Variants in SLC22A25 observed in about 807,000 individuals in gnomAD.
The protein encoded by SLC22A25 is solute carrier family 22 member 25.
In SLC22A25, 44 loss-of-function variants were observed where a neutral mutation model predicts 45.9. The ratio of observed to expected loss-of-function variants is 0.96; its 90% confidence interval spans 0.75 to 1.23. SLC22A25 has a LOEUF of 1.23. SLC22A25 is among the 50% of genes most tolerant of loss of function. The pLI is 0.00. For synonymous variants in SLC22A25, 283 were observed against 238.6 expected (o/e 1.19, Z -1.72); for missense variants, 800 against 666.4 (o/e 1.20, Z -2.21).
chr11:63,225,219 G>A (rs1162512979), intron 5 of SLC22A25, among the ~76,000 whole-genome samples: 3 of 152,062 alleles, frequency 2.0e-5, no homozygotes, highest in Non-Finnish European at 4.4e-5. Context: ...TTTACTACTA[G>A]CAGGGAGTTT....
At chr11:63,191,303 G>T (rs1310324773) in intron 7 of SLC22A25, among the ~76,000 whole-genome samples, 2 of 152,210 alleles carry the variant, frequency 1.3e-5, no homozygotes, top group Non-Finnish European at 2.9e-5. Context: ...AGACTGCTGT[G>T]CTAGCAATGA....
chr11:63,186,967 G>A (rs1028824358), intron 7 of SLC22A25, among the ~76,000 whole-genome samples: 44 of 152,172 alleles, frequency 2.9e-4, no homozygotes, highest in Admixed American at 1.3e-4. Flanking sequence ...AGAGTTTGAA[G>A]TCAGGTAGCA....
Position 63,243,526 on chromosome 11 carries a change from G to A in SLC22A25, c.-1088C>T, listed in dbSNP as rs1019214955. ...TGTTCCTGGCCTCCAGGCTCAAAGA[G>A]TCCAGCCCACTGACTGCCAAAAAGC... On this transcript the variant is annotated 5_prime_UTR_variant, in exon 1 of 12. Transcript: ENST00000306494. 4 of 762,800 alleles carry A rather than the reference G, an allele frequency of 5.2e-6. No individual in the cohort carries two copies. The highest frequency in any genetic ancestry group is 4.1e-5 in the South Asian group (3 of 73,740). The allele number at this position is 762,800 out of a possible 1,614,324, so 47.3% of individuals were successfully genotyped here.
intron 7 of SLC22A25, among the ~76,000 whole-genome samples, chr11:63,193,024 A>AAT (rs1353232412): frequency 6.6e-6 from 1 of 152,202 alleles, no homozygotes; most frequent in Non-Finnish European, 1.5e-5. Context: ...AAACCAATAG[A>AAT]ATATACATTC....
intron 3 of SLC22A25, among the ~76,000 whole-genome samples, chr11:63,233,881 A>C (rs1352477878): frequency 6.6e-6 from 1 of 152,040 alleles, no homozygotes; most frequent in Non-Finnish European, 1.5e-5. Flanking sequence ...TTCTGCCTTC[A>C]TTTCGTTATG....
chr11:63,204,426 A>G (rs2089338401), intron 7 of SLC22A25, among the ~76,000 whole-genome samples: 1 of 152,248 alleles, frequency 6.6e-6, no homozygotes. Context: ...CTCACATGCA[A>G]GAACACACAT....
intron 7 of SLC22A25, among the ~76,000 whole-genome samples, chr11:63,184,189 T>C (rs1364533420): frequency 6.6e-6 from 1 of 152,130 alleles, no homozygotes; most frequent in Non-Finnish European, 1.5e-5. Context: ...GTAAAGACCC[T>C]GAAATAATTG....
chr11:63,241,774 C>A (rs954159162), intron 1 of SLC22A25, among the ~76,000 whole-genome samples: 3 of 152,112 alleles, frequency 2.0e-5, no homozygotes, highest in Non-Finnish European at 4.4e-5. Context: ...ACAACAGACA[C>A]CCAAGCACCT....
intron 9 of SLC22A25, among the ~76,000 whole-genome samples, chr11:63,169,060 A>G (rs542107806): frequency 9.2e-5 from 14 of 152,338 alleles, no homozygotes; most frequent in African/African-American, 3.4e-4. Flanking sequence ...TTTCATATAC[A>G]GCCAAACTAA....
At position 63,208,508 on chromosome 11, in the gene SLC22A25, G is replaced by A. The variant is rs116694612; in HGVS notation, c.830+8806C>T. Among the ~76,000 whole-genome samples the A allele has an allele frequency of 5.1e-3, 775 of 152,244 alleles. 7 individuals carry two copies. The highest frequency in any genetic ancestry group is 0.018 in the African/African-American group (728 of 41,558). On this transcript the variant is annotated intron_variant, in intron 7 of 11. Coordinates refer to ENST00000306494, the MANE Select transcript of SLC22A25 (RefSeq NM_199352.6). ...TGTGTGCGTGCATGTAAACCTACCC[G>A]GGACACGAGAGAGGCTCATTTCATC...
chr11:63,209,148 A>C (rs1417726694), intron 7 of SLC22A25, among the ~76,000 whole-genome samples: 1 of 152,116 alleles, frequency 6.6e-6, no homozygotes, highest in Admixed American at 6.5e-5. Context: ...TGGTCACTGG[A>C]GTTGGAGGAC....
At chr11:63,191,348 G>A (rs113159993) in intron 7 of SLC22A25, among the ~76,000 whole-genome samples, 1 of 152,346 alleles carries the variant, frequency 6.6e-6, no homozygotes, top group South Asian at 2.1e-4. Flanking sequence ...TTCTGAGTCA[G>A]GCATGGGATA....
rs76609434 is a variant in SLC22A25 at position 63,210,208 on chromosome 11, C to T, written c.830+7106G>A. Among the ~76,000 whole-genome samples the T allele has an allele frequency of 8.8e-3, 1,344 of 152,180 alleles. 9 individuals are homozygous for T. The highest frequency in any genetic ancestry group is 0.019 in the African/African-American group (769 of 41,516). ...GACATAAGATGAAACCTTCAGAAGCCGGAAGGCTTTGCAGGGAAACACATT... is the reference window on the plus strand; with the variant it reads ...GACATAAGATGAAACCTTCAGAAGCTGGAAGGCTTTGCAGGGAAACACATT... On this transcript the variant is annotated intron_variant, in intron 7 of 11. Coordinates refer to ENST00000306494, the MANE Select transcript of SLC22A25 (RefSeq NM_199352.6).
intron 5 of SLC22A25, among the ~76,000 whole-genome samples, chr11:63,225,146 G>T (rs963903367): frequency 1.2e-4 from 19 of 152,026 alleles, no homozygotes; most frequent in Non-Finnish European, 2.4e-4. Flanking sequence ...AAATAAAAAA[G>T]TTGTTTTAGT....
At position 63,243,345 on chromosome 11, in the gene SLC22A25, C is replaced by A. The variant is rs529754926; in HGVS notation, c.-996+89G>T. 1,186 of 562,682 alleles carry A rather than the reference C, an allele frequency of 2.1e-3. 6 individuals carry two copies. Among genetic ancestry groups the A allele is most frequent in the Non-Finnish European group, 2.5e-3 (749 of 304,618 alleles). The allele number at this position is 562,682 out of a possible 1,614,324, so 34.9% of individuals were successfully genotyped here. On this transcript the variant is annotated intron_variant, in intron 1 of 11. Coordinates refer to ENST00000306494, the MANE Select transcript of SLC22A25 (RefSeq NM_199352.6). Reference sequence around the variant, plus strand: ...TGAACCATTTGGGATGGAAAAGCACCTTTACTCTCAGCCACCTGTTAACTA... The same window carrying A: ...TGAACCATTTGGGATGGAAAAGCACATTTACTCTCAGCCACCTGTTAACTA...
intron 5 of SLC22A25, among the ~76,000 whole-genome samples, chr11:63,228,148 C>T (rs2089998651): frequency 6.6e-6 from 1 of 151,856 alleles, no homozygotes; most frequent in South Asian, 2.1e-4. Context: ...GTTTGGTATT[C>T]CTGTGGGGAG....
chr11:63,204,295 T>C (rs1255180269), intron 7 of SLC22A25, among the ~76,000 whole-genome samples: 1 of 152,168 alleles, frequency 6.6e-6, no homozygotes, highest in Non-Finnish European at 1.5e-5. Flanking sequence ...CACTATGAAA[T>C]TCACATATAA....
In SLC22A25 at chr11:63,204,207, C is replaced by T. The variant is rs569034984; in HGVS notation, c.830+13107G>A. On this transcript the variant is annotated intron_variant, in intron 7 of 11. Coordinates refer to ENST00000306494, the MANE Select transcript of SLC22A25 (RefSeq NM_199352.6). The stretch of plus-strand genomic sequence containing the variant: ...TGGTAGCAGCCACTGCAGAAACATA[C>T]CAAATTGTAAAGACCATTGACAATA... Among the ~76,000 whole-genome samples, 4 of 152,254 alleles carry T rather than the reference C, an allele frequency of 2.6e-5. No homozygotes were observed. The East Asian group carries it at 5.8e-4, about 22-fold the overall frequency.
chr11:63,161,656 C>T lies in SLC22A25; in HGVS notation c.*2168G>A, dbSNP rs2087534597. ...GCTGCCATGTAAGACGTGCCTTTCG[C>T]CCTCCACCAGGATTGTGAGGCTTCA... On this transcript the variant is annotated 3_prime_UTR_variant, in exon 12 of 12. Coordinates refer to ENST00000306494, the MANE Select transcript of SLC22A25 (RefSeq NM_199352.6). Among the ~76,000 whole-genome samples, 1 of 152,158 alleles carries T rather than the reference C, an allele frequency of 6.6e-6. No homozygotes were observed. The highest frequency in any genetic ancestry group is 1.5e-5 in the Non-Finnish European group (1 of 68,030).
Sources: allele counts gnomAD v4.1 joint callset (sites outside exome capture counted in the v4.1 genomes callset), GRCh38; gene constraint gnomAD v4.1.1; transcripts MANE v1.5; gene names NCBI Gene and HGNC (gene_info 2026-07-23, HGNC 2026-07-21).